The following PCSK5 variants were observed in gnomAD, a reference collection of about 807,000 sequenced individuals.
PCSK5 encodes prohormone convertase 5.
In PCSK5, 129 loss-of-function variants were observed where a neutral mutation model predicts 233.2. That is an observed-to-expected ratio of 0.55 (90% CI 0.48 to 0.64). The LOEUF (loss-of-function observed/expected upper bound fraction) is 0.64. PCSK5 is among the 30% of genes least tolerant of loss of function. The pLI is 0.00. For missense variants in PCSK5, 2,076 were observed against 2,430.1 expected, an observed-to-expected ratio of 0.85 and a Z score of 3.06; for synonymous variants, 825 against 879.2, an observed-to-expected ratio of 0.94 and a Z score of 1.09.
chr9:75,914,545 T>A (rs1822897156), intron 1 of PCSK5, among the ~76,000 whole-genome samples: 1 of 152,024 alleles, frequency 6.6e-6, no homozygotes, highest in South Asian at 2.1e-4. Context: ...AGCAAGAATG[T>A]CACCTGGCCC....
At chr9:75,930,489 A>G (rs924836126) in intron 1 of PCSK5, among the ~76,000 whole-genome samples, 1 of 152,162 alleles carries the variant, frequency 6.6e-6, no homozygotes, top group East Asian at 1.9e-4. Flanking sequence ...GTTTAATACA[A>G]TATTATTATT....
rs1177878201 is a variant in PCSK5 at position 76,332,434 on chromosome 9, C to A, written c.4572C>A (p.Asn1524Lys). ...QTCPMNSLLL[N>K]TTCVKDCPEG... ...TAGACATTTTTTCTCCCATGACAGA[C>A]ACAACCTGTGTGAAGGACTGCCCAG... is the stretch of plus-strand genomic sequence containing the variant. Residue 1524 changes from asparagine to lysine, a missense_variant and splice_region_variant, in exon 34 of 38, where the codon AAC becomes AAA. Asn to Lys is a moderately conservative substitution (Grantham distance 94). This residue lies in a region of PCSK5 where 1,510 missense variants were observed against 1,538.1 expected (regional missense o/e 0.98). Transcript: ENST00000674117. The A allele has an allele frequency of 6.2e-7, 1 of 1,610,240 alleles. No homozygotes were observed. The highest frequency in any genetic ancestry group is 1.3e-5 in the African/African-American group (1 of 74,860).
intron 24 of PCSK5, among the ~76,000 whole-genome samples, chr9:76,248,220 G>A (rs759212987): frequency 2.6e-5 from 4 of 152,050 alleles, no homozygotes; most frequent in Non-Finnish European, 5.9e-5. Flanking sequence ...ATGATCTACC[G>A]CACCCAACCT....
intron 7 of PCSK5, among the ~76,000 whole-genome samples, chr9:76,089,341 CA>C (rs1370059343): frequency 1.3e-5 from 2 of 152,014 alleles, no homozygotes; most frequent in Non-Finnish European, 2.9e-5. Context: ...TGCCTCATTC[CA>C]AAGTTGTTTT....
chr9:76,321,468 T>C lies in PCSK5; in HGVS notation c.3931T>C (p.Cys1311Arg). 6.2e-7 allele frequency: 1 copy of C among 1,611,778 alleles called. No individual in the cohort carries two copies. The change falls in exon 31 of 38, where the codon TGC becomes CGC. Residue 1311 changes from cysteine to arginine, a missense_variant. Cys to Arg is a radical substitution (Grantham distance 180, BLOSUM62 -3). Coordinates refer to ENST00000674117, the MANE Select transcript of PCSK5 (RefSeq NM_001372043.1). Reference protein sequence around the residue: ...DGICERCSSPCRTCEGNATNC... With the variant: ...DGICERCSSPRRTCEGNATNC... ...CATATGTGAACGCTGTAGCTCTCCTTGCAGAACATGTGAAGGAAACGCCAC... is the reference window on the plus strand; with the variant it reads ...CATATGTGAACGCTGTAGCTCTCCTCGCAGAACATGTGAAGGAAACGCCAC...
At chr9:75,897,538 G>A (rs1825864465) in intron 1 of PCSK5, among the ~76,000 whole-genome samples, 1 of 139,476 alleles carries the variant, frequency 7.2e-6, no homozygotes, top group Non-Finnish European at 1.5e-5. Context: ...TTTTGGCCCA[G>A]GCTGGAGTGC....
At chr9:76,322,086 A>G (rs917430719) in intron 31 of PCSK5, among the ~76,000 whole-genome samples, 1 of 151,828 alleles carries the variant, frequency 6.6e-6, no homozygotes, top group African/African-American at 2.4e-5. Flanking sequence ...AGTAGCTGGG[A>G]TTACAGGCAC....
chr9:76,357,505 C>T (rs899373199), intron 37 of PCSK5, among the ~76,000 whole-genome samples: 2 of 151,360 alleles, frequency 1.3e-5, no homozygotes, highest in Admixed American at 6.6e-5. Flanking sequence ...GGTGACAGAG[C>T]GAGACTCCAT....
At chr9:75,960,362 T>A (rs916750889) in intron 2 of PCSK5, among the ~76,000 whole-genome samples, 1 of 152,134 alleles carries the variant, frequency 6.6e-6, no homozygotes, top group African/African-American at 2.4e-5. Flanking sequence ...GGCAGCTCAA[T>A]AGTGTAGACT....
chr9:76,307,324 G>A (rs905961005), intron 28 of PCSK5, among the ~76,000 whole-genome samples: 1 of 152,192 alleles, frequency 6.6e-6, no homozygotes, highest in African/African-American at 2.4e-5. Flanking sequence ...GAAAGGGAGG[G>A]AGGAGGTAAT....
chr9:75,955,008 G>C (rs964492523), intron 2 of PCSK5, among the ~76,000 whole-genome samples: 2 of 152,038 alleles, frequency 1.3e-5, no homozygotes, highest in Non-Finnish European at 2.9e-5. Context: ...ACTGAATATT[G>C]ACTGCATCCT....
At chr9:75,942,650 G>A in intron 2 of PCSK5, among the ~76,000 whole-genome samples, 1 of 152,132 alleles carries the variant, frequency 6.6e-6, no homozygotes, top group East Asian at 1.9e-4. Flanking sequence ...GTTTTTCACT[G>A]ACACCTATGA....
chr9:76,070,649 GTTCT>G (rs1274310482), intron 6 of PCSK5, among the ~76,000 whole-genome samples: 6 of 152,042 alleles, frequency 3.9e-5, no homozygotes, highest in Non-Finnish European at 4.4e-5. Context: ...TTCATTCTTC[GTTCT>G]TTCTATTTTT....
intron 14 of PCSK5, among the ~76,000 whole-genome samples, chr9:76,176,846 A>G (rs569713777): frequency 6.6e-6 from 1 of 152,330 alleles, no homozygotes; most frequent in Admixed American, 6.5e-5. Flanking sequence ...TTTAGGTATT[A>G]CAGCCTTATC....
At chr9:76,297,577 A>T (rs1398375696) in intron 27 of PCSK5, among the ~76,000 whole-genome samples, 1 of 152,138 alleles carries the variant, frequency 6.6e-6, no homozygotes, top group African/African-American at 2.4e-5. Context: ...CTTCCTTGCA[A>T]GGTAATTACA....
intron 5 of PCSK5, among the ~76,000 whole-genome samples, chr9:76,059,472 T>C (rs1407588897): frequency 6.6e-6 from 1 of 152,224 alleles, no homozygotes; most frequent in African/African-American, 2.4e-5. Flanking sequence ...GGTTTTCTTC[T>C]AAGGTTTTTA....
At chr9:75,931,128 C>T (rs1823773086) in intron 1 of PCSK5, among the ~76,000 whole-genome samples, 1 of 152,056 alleles carries the variant, frequency 6.6e-6, no homozygotes, top group South Asian at 2.1e-4. Context: ...GTGTAAAGCC[C>T]TAGTGAGGAC....
intron 5 of PCSK5, among the ~76,000 whole-genome samples, chr9:76,061,799 T>A (rs1232790788): frequency 1.3e-5 from 2 of 152,236 alleles, no homozygotes; most frequent in African/African-American, 2.4e-5. Context: ...TACATTGAAT[T>A]GATCTTTACA....
intron 10 of PCSK5, among the ~76,000 whole-genome samples, chr9:76,136,245 C>A (rs1375177895): frequency 6.6e-6 from 1 of 151,784 alleles, no homozygotes; most frequent in Admixed American, 6.6e-5. Context: ...AAAAGTTATT[C>A]TCTACTCTAA....
Sources: allele counts gnomAD v4.1 joint callset (sites outside exome capture counted in the v4.1 genomes callset), GRCh38; gene constraint gnomAD v4.1.1; regional missense constraint gnomAD v4.1.1; transcripts MANE v1.5; gene names NCBI Gene and HGNC (gene_info 2026-07-23, HGNC 2026-07-21).